The following SQOR variants were observed in gnomAD, a reference collection of about 807,000 sequenced individuals.
The protein encoded by SQOR is sulfide quinone oxidoreductase.
A neutral mutation model predicts 48.6 loss-of-function variants in SQOR; 39 were observed. The ratio of observed to expected loss-of-function variants is 0.80; its 90% CI spans 0.62 to 1.05. SQOR has a LOEUF of 1.05. Among genes scored for constraint, SQOR ranks in the 50% least tolerant of loss-of-function variants. The probability of loss-of-function intolerance (pLI) is 0.00; values close to 1 mark genes in which losing one functional copy is unlikely to be tolerated. For missense variants in SQOR, 561 were observed against 559.9 expected, an observed-to-expected ratio of 1.00 and a Z score of -0.02; for synonymous variants, 220 against 206.2, an observed-to-expected ratio of 1.07 and a Z score of -0.57.
At chr15:45,686,323 C>T (rs11635305) in intron 7 of SQOR, among the ~76,000 whole-genome samples, 27,569 of 151,868 alleles carry the variant, frequency 0.18, 2,733 homozygotes, top group Middle Eastern at 0.35. Context: ...GGCTAATTTT[C>T]CTATTTTTAG....
intron 3 of SQOR, among the ~76,000 whole-genome samples, chr15:45,668,437 C>T (rs1419435126): frequency 6.6e-6 from 1 of 152,180 alleles, no homozygotes; most frequent in Non-Finnish European, 1.5e-5. Flanking sequence ...TAAGACATAA[C>T]TTTTATCCTC....
chr15:45,654,829 G>A (rs1480115092), intron 1 of SQOR, among the ~76,000 whole-genome samples: 1 of 152,182 alleles, frequency 6.6e-6, no homozygotes, highest in African/African-American at 2.4e-5. Context: ...TGGAGGCGGT[G>A]TCTGATTTAC....
At chr15:45,650,856 T>C (rs1003408417) in intron 1 of SQOR, among the ~76,000 whole-genome samples, 2 of 152,236 alleles carry the variant, frequency 1.3e-5, no homozygotes, top group Non-Finnish European at 2.9e-5. Flanking sequence ...CCAGATTAGC[T>C]AGACACTGGG....
chr15:45,641,374 G>A (rs1895102444), intron 1 of SQOR, among the ~76,000 whole-genome samples: 1 of 152,306 alleles, frequency 6.6e-6, no homozygotes, highest in Non-Finnish European at 1.5e-5. Flanking sequence ...CCCCTGAAGA[G>A]TGAGGGAACT....
intron 9 of SQOR, 135 bp from the exon 10 acceptor site, chr15:45,690,838 C>T: frequency 1.3e-6 from 1 of 782,060 alleles, no homozygotes; most frequent in South Asian, 1.5e-5. Flanking sequence ...ATCTCTCCAA[C>T]TCACTAGACA....
At chr15:45,680,195 G>A (rs1468136976) in intron 6 of SQOR, among the ~76,000 whole-genome samples, 1 of 151,798 alleles carries the variant, frequency 6.6e-6, no homozygotes, top group African/African-American at 2.4e-5. Flanking sequence ...CCCAGGCTCA[G>A]GCAATCCTCC....
chr15:45,669,913 CT>C lies in SQOR; in HGVS notation c.406-10del. On this transcript the variant is annotated splice_polypyrimidine_tract_variant and intron_variant, in intron 3 of 9. Coordinates refer to ENST00000260324, the MANE Select transcript of SQOR (RefSeq NM_021199.4). Reference sequence around the variant, plus strand: ...CTTGAGTCCTGGTCTAAAATAATGTCTTTTTGTGTTGCAGATCTCCTACCGA... The same window carrying C: ...CTTGAGTCCTGGTCTAAAATAATGTCTTTTGTGTTGCAGATCTCCTACCGA... 6.2e-7 allele frequency: 1 copy of C among 1,612,930 alleles called. No homozygotes were observed. Among genetic ancestry groups the C allele is most frequent in the Non-Finnish European group, 8.5e-7 (1 of 1,178,952 alleles).
intron 5 of SQOR, 97 bp from the exon 6 acceptor site, chr15:45,676,004 A>G: frequency 8.3e-7 from 1 of 1,207,128 alleles, no homozygotes; most frequent in Non-Finnish European, 1.2e-6. Flanking sequence ...AAAGCTAGCA[A>G]GGTCCCTGCT....
At chr15:45,678,193 G>A (rs1890069784) in intron 6 of SQOR, among the ~76,000 whole-genome samples, 1 of 152,188 alleles carries the variant, frequency 6.6e-6, no homozygotes, top group Non-Finnish European at 1.5e-5. Context: ...CTAATAAGAA[G>A]TCTGTGGGAA....
intron 6 of SQOR, among the ~76,000 whole-genome samples, chr15:45,678,551 A>T (rs1389022410): frequency 2.6e-5 from 4 of 151,254 alleles, no homozygotes. Flanking sequence ...GACATGCCCC[A>T]TCATGTGTTT....
chr15:45,676,588 G>A (rs1354509191), intron 6 of SQOR, among the ~76,000 whole-genome samples: 1 of 152,170 alleles, frequency 6.6e-6, no homozygotes, highest in Non-Finnish European at 1.5e-5. Context: ...TCCTGGCATC[G>A]AGTCACTTGA....
intron 1 of SQOR, among the ~76,000 whole-genome samples, chr15:45,655,174 T>C (rs998430575): frequency 6.6e-6 from 1 of 152,236 alleles, no homozygotes; most frequent in Non-Finnish European, 1.5e-5. Context: ...TTAACTCTTG[T>C]ATCACTTGGA....
At chr15:45,654,006 C>T (rs1442625982) in intron 1 of SQOR, among the ~76,000 whole-genome samples, 1 of 151,712 alleles carries the variant, frequency 6.6e-6, no homozygotes, top group African/African-American at 2.4e-5. Flanking sequence ...CCTGTAATCC[C>T]AGCTACTCAG....
At chr15:45,672,828 A>G (rs1193182164) in intron 4 of SQOR, among the ~76,000 whole-genome samples, 1 of 152,164 alleles carries the variant, frequency 6.6e-6, no homozygotes, top group Admixed American at 6.6e-5. Flanking sequence ...TCTGCCTACA[A>G]CCCTGTGAAG....
intron 6 of SQOR, among the ~76,000 whole-genome samples, chr15:45,678,820 T>C (rs1036023785): frequency 2.0e-5 from 3 of 152,204 alleles, no homozygotes; most frequent in African/African-American, 4.8e-5. Context: ...CCTCCAGCTT[T>C]AGCTTTTTTA....
intron 1 of SQOR, chr15:45,645,755 T>G (rs971190271): frequency 1.2e-4 from 18 of 152,234 alleles, no homozygotes; most frequent in African/African-American, 4.3e-4. Context: ...TCTATAATCT[T>G]GTGAGCCAGT....
At chr15:45,673,322 T>C (rs923061701) in intron 4 of SQOR, among the ~76,000 whole-genome samples, 1 of 152,162 alleles carries the variant, frequency 6.6e-6, no homozygotes, top group African/African-American at 2.4e-5. Context: ...GCTGGCGTCT[T>C]GTCCTCACTC....
At chr15:45,688,315 G>A (rs1388579272) in intron 7 of SQOR, 22 bp from the exon 8 acceptor site, 2 of 1,561,766 alleles carry the variant, frequency 1.3e-6, no homozygotes, top group Non-Finnish European at 1.7e-6. Flanking sequence ...ACATTTTTCT[G>A]ACTTTCCCAT....
At chr15:45,653,096 T>G (rs1889525437) in intron 1 of SQOR, among the ~76,000 whole-genome samples, 1 of 152,348 alleles carries the variant, frequency 6.6e-6, no homozygotes, top group African/African-American at 2.4e-5. Flanking sequence ...CTGATGCCAC[T>G]TCTAACATCA....
Sources: allele counts gnomAD v4.1 joint callset (sites outside exome capture counted in the v4.1 genomes callset), GRCh38; gene constraint gnomAD v4.1.1; transcripts MANE v1.5; gene names NCBI Gene and HGNC (gene_info 2026-07-23, HGNC 2026-07-21).